NFIB: variants seen among roughly 807,000 people sequenced by gnomAD.
NFIB encodes nuclear factor I B.
A neutral mutation model predicts 61.5 loss-of-function variants in NFIB; 11 were observed. The ratio of observed to expected loss-of-function variants is 0.18; its 90% confidence interval spans 0.11 to 0.30. The LOEUF (loss-of-function observed/expected upper bound fraction) is 0.30, where lower values mean the gene tolerates loss of function less well. NFIB is among the 10% of genes least tolerant of loss of function. NFIB has a pLI of 1.00. For synonymous variants in NFIB, 260 were observed against 216.5 expected (o/e 1.20, Z -1.76); for missense variants, 471 against 608.9 (o/e 0.77, Z 2.38).
chr9:14,238,873 G>T (rs1044238780), intron 2 of NFIB, among the ~76,000 whole-genome samples: 1 of 152,002 alleles, frequency 6.6e-6, no homozygotes, highest in African/African-American at 2.4e-5. Flanking sequence ...ATAAATGAAT[G>T]AATGAAGGAA....
At chr9:14,287,081 C>T (rs1394294430) in intron 2 of NFIB, among the ~76,000 whole-genome samples, 2 of 152,066 alleles carry the variant, frequency 1.3e-5, no homozygotes, top group Non-Finnish European at 2.9e-5. Flanking sequence ...AAACTAGGTT[C>T]AAATCTATCT....
chr9:14,269,414 A>C (rs2057439526), intron 2 of NFIB, among the ~76,000 whole-genome samples: 1 of 152,186 alleles, frequency 6.6e-6, no homozygotes. Flanking sequence ...CAATACTTTC[A>C]GTACTGCTCC....
At chr9:14,264,788 A>C (rs2057064345) in intron 2 of NFIB, among the ~76,000 whole-genome samples, 1 of 152,172 alleles carries the variant, frequency 6.6e-6, no homozygotes, top group Non-Finnish European at 1.5e-5. Context: ...AAAGCCAATA[A>C]GGAACTTGAA....
At position 14,372,935 on chromosome 9, in the gene NFIB, G is replaced by A. The variant is rs527831314; in HGVS notation, c.108+25589C>T. 4.6e-5 allele frequency among the ~76,000 whole-genome samples: 7 copies of A among 151,834 alleles called. No individual in the cohort carries two copies. In the South Asian group the frequency reaches 1.3e-3, roughly 27 times the overall value. ...CAAAACAAAGAAATGCTTTCTAACA[G>A]CAACTGAGAAGCTTAGATATGAGCA... is the stretch of plus-strand genomic sequence containing the variant. On this transcript the variant is annotated intron_variant, in intron 1 of 8. Coordinates refer to the NFIB transcript ENST00000380934.
the NFIB span, among the ~76,000 whole-genome samples, chr9:14,407,793 G>A: frequency 3.3e-5 from 5 of 151,994 alleles, no homozygotes; most frequent in Admixed American, 1.3e-4. Flanking sequence ...TCAAGCAATT[G>A]TCCCACCTCA....
At chr9:14,367,135 C>A (rs1265469481) in intron 1 of NFIB, among the ~76,000 whole-genome samples, 1 of 152,156 alleles carries the variant, frequency 6.6e-6, no homozygotes, top group Non-Finnish European at 1.5e-5. Context: ...TGGGCCCCTA[C>A]CCTATGCAGG....
chr9:14,433,241 C>T, the NFIB span, among the ~76,000 whole-genome samples: 1 of 152,158 alleles, frequency 6.6e-6, no homozygotes, highest in Non-Finnish European at 1.5e-5. Flanking sequence ...ACTTACAATA[C>T]AAACCCCAGT....
chr9:14,411,698 G>A, the NFIB span, among the ~76,000 whole-genome samples: 1 of 152,188 alleles, frequency 6.6e-6, no homozygotes, highest in African/African-American at 2.4e-5. Context: ...GACTGGATGA[G>A]GATGACCGTC....
intron 1 of NFIB, among the ~76,000 whole-genome samples, chr9:14,356,746 A>T (rs1588361553): frequency 6.6e-6 from 1 of 152,112 alleles, no homozygotes; most frequent in Non-Finnish European, 1.5e-5. Flanking sequence ...GGTGATCCTG[A>T]GCACTTAATT....
At chr9:14,314,998 C>A (rs1240521562), upstream of NFIB, among the ~76,000 whole-genome samples, 1 of 151,952 alleles carries the variant, frequency 6.6e-6, no homozygotes, top group Admixed American at 6.5e-5. Context: ...CACACCCAGG[C>A]CGCCCCCAGG....
chr9:14,308,908 G>A (rs1224435748), intron 1 of NFIB, among the ~76,000 whole-genome samples: 1 of 152,104 alleles, frequency 6.6e-6, no homozygotes, highest in Admixed American at 6.5e-5. Context: ...TCCTGATTTA[G>A]GTAAAACCTG....
At chr9:14,386,127 C>T (rs1588405922) in intron 1 of NFIB, among the ~76,000 whole-genome samples, 2 of 152,164 alleles carry the variant, frequency 1.3e-5, no homozygotes, top group South Asian at 4.1e-4. Flanking sequence ...TAGATGAAAT[C>T]TAGTCATTCA....
intron 2 of NFIB, among the ~76,000 whole-genome samples, chr9:14,216,490 CTT>C (rs1412406130): frequency 1.9e-4 from 21 of 112,404 alleles, no homozygotes; most frequent in Middle Eastern, 4.3e-3. Flanking sequence ...GTTCTCCATT[CTT>C]TCTCTCTCTC....
intron 2 of NFIB, among the ~76,000 whole-genome samples, chr9:14,216,552 G>C (rs977369967): frequency 2.3e-4 from 3 of 13,198 alleles, no homozygotes; most frequent in African/African-American, 1.3e-3. Flanking sequence ...CCCTCTGTGT[G>C]TGTGTGTGTG....
chr9:14,232,121 G>A (rs909614232), intron 2 of NFIB, among the ~76,000 whole-genome samples: 2 of 152,182 alleles, frequency 1.3e-5, no homozygotes, highest in African/African-American at 4.8e-5. Flanking sequence ...ATGAGTTAAA[G>A]GTGTAGCGAG....
the NFIB span, among the ~76,000 whole-genome samples, chr9:14,413,423 T>C: frequency 6.6e-6 from 1 of 152,182 alleles, no homozygotes; most frequent in South Asian, 2.1e-4. Flanking sequence ...ATATAGTCAA[T>C]AGGGCCTTGA....
At chr9:14,348,233 G>T (rs1366118518) in intron 1 of NFIB, among the ~76,000 whole-genome samples, 1 of 152,050 alleles carries the variant, frequency 6.6e-6, no homozygotes, top group East Asian at 1.9e-4. Context: ...TCATACAACT[G>T]CAGCGCACCC....
At chr9:14,375,031 C>CTATG (rs2061401701) in intron 1 of NFIB, among the ~76,000 whole-genome samples, 1 of 152,204 alleles carries the variant, frequency 6.6e-6, no homozygotes, top group Admixed American at 6.5e-5. Context: ...TTATTACATG[C>CTATG]TATGCTTCCT....
At chr9:14,126,687 A>T (rs538081923) in intron 6 of NFIB, among the ~76,000 whole-genome samples, 20 of 152,342 alleles carry the variant, frequency 1.3e-4, no homozygotes, top group African/African-American at 4.8e-4. Flanking sequence ...CTTCCTGTAC[A>T]AACGTCTGAA....
Sources: gnomAD v4.1 joint callset for allele counts (sites outside exome capture counted in the v4.1 genomes callset) on GRCh38, gnomAD v4.1.1 for gene constraint, MANE v1.5 for transcripts, NCBI Gene and HGNC (gene_info 2026-07-23, HGNC 2026-07-21) for gene names.